NAV3: variants seen among roughly 807,000 people sequenced by gnomAD.
NAV3 encodes pore membrane and/or filament interacting like protein 1.
Under a neutral mutation model 244.7 loss-of-function variants are expected in NAV3, and 87 were observed. The observed-to-expected ratio is 0.36, with a 90% CI of 0.30 to 0.42. NAV3 has a LOEUF of 0.42. NAV3 is among the 20% of genes least tolerant of loss of function. The pLI, the probability that NAV3 is intolerant of heterozygous loss-of-function variation, is 1.00. For missense variants in NAV3, 2,663 were observed against 2,893.3 expected (o/e 0.92, Z 1.83); for synonymous variants, 1,126 against 1,042.2 (o/e 1.08, Z -1.55).
At chr12:78,008,057 T>G (rs1282293447) in intron 8 of NAV3, among the ~76,000 whole-genome samples, 1 of 152,234 alleles carries the variant, frequency 6.6e-6, no homozygotes, top group African/African-American at 2.4e-5. Flanking sequence ...ACATGTTTAC[T>G]GTATATCCTG....
At chr12:77,941,503 T>A (rs922858904) in intron 3 of NAV3, among the ~76,000 whole-genome samples, 1 of 152,218 alleles carries the variant, frequency 6.6e-6, no homozygotes, top group African/African-American at 2.4e-5. Context: ...AATATATAAA[T>A]AGTATTTTCT....
chr12:77,831,333 C>CT lies in NAV3; in HGVS notation c.-124dup. On this transcript the variant is annotated 5_prime_UTR_variant, in exon 1 of 40. Transcript: ENST00000397909. Reference sequence around the variant, plus strand: ...CTCTTCCTGAAAATTATATTATTAGCTTTTTAAAAATCAGGATGACTGCTA... The same window carrying CT: ...CTCTTCCTGAAAATTATATTATTAGCTTTTTTAAAAATCAGGATGACTGCTA... 1.0e-6 allele frequency: 1 copy of CT among 991,478 alleles called. No individual in the cohort carries two copies. The highest frequency in any genetic ancestry group is 1.4e-6 in the Non-Finnish European group (1 of 710,816). The allele number at this position is 991,478 out of a possible 1,614,324, so 61.4% of individuals were successfully genotyped here.
At chr12:78,036,292 T>G (rs532974988) in intron 9 of NAV3, 1 of 152,414 alleles carries the variant, frequency 6.6e-6, no homozygotes, top group South Asian at 2.1e-4. Context: ...GTAAGAGGCT[T>G]GTGCAGGGCT....
chr12:78,078,801 A>G (rs1214014961), intron 12 of NAV3, among the ~76,000 whole-genome samples: 3 of 152,100 alleles, frequency 2.0e-5, no homozygotes, highest in Non-Finnish European at 4.4e-5. Flanking sequence ...TGGAAAGATG[A>G]CTCTCTGAGA....
At chr12:78,063,999 AT>A (rs1323544653) in intron 12 of NAV3, among the ~76,000 whole-genome samples, 1 of 152,166 alleles carries the variant, frequency 6.6e-6, no homozygotes, top group East Asian at 1.9e-4. Flanking sequence ...TAATCATTGT[AT>A]TTTAAAAGGA....
chr12:78,183,284 C>T (rs575246755), intron 30 of NAV3, among the ~76,000 whole-genome samples: 13 of 151,874 alleles, frequency 8.6e-5, no homozygotes, highest in African/African-American at 1.2e-4. Flanking sequence ...TGGGGAGATT[C>T]GGAGTCATGA....
At chr12:78,119,099 T>C (rs779903244) in intron 14 of NAV3, 138 bp from the exon 15 acceptor site, 39 of 951,396 alleles carry the variant, frequency 4.1e-5, no homozygotes, top group Non-Finnish European at 5.8e-5. Flanking sequence ...TCTCAATATA[T>C]GAGATTTTTG....
chr12:77,785,729 G>T (rs960420505), intron 2 of NAV3, among the ~76,000 whole-genome samples: 9 of 152,162 alleles, frequency 5.9e-5, no homozygotes, highest in Non-Finnish European at 1.2e-4. Context: ...TCTCGGAGTG[G>T]TGGTAGGCGT....
chr12:78,017,831 C>G (rs1036144414), intron 8 of NAV3, among the ~76,000 whole-genome samples: 1 of 152,132 alleles, frequency 6.6e-6, no homozygotes, highest in African/African-American at 2.4e-5. Context: ...AGAGATTTAA[C>G]TCAACTTCTT....
At chr12:77,651,675 G>T (rs558827509) in intron 2 of NAV3, among the ~76,000 whole-genome samples, 2 of 152,238 alleles carry the variant, frequency 1.3e-5, no homozygotes, top group Non-Finnish European at 2.9e-5. Context: ...AGCCAAGCTG[G>T]TGGTTATTAT....
At chr12:77,709,634 T>G (rs1876008702) in intron 2 of NAV3, among the ~76,000 whole-genome samples, 2 of 152,198 alleles carry the variant, frequency 1.3e-5, no homozygotes, top group African/African-American at 4.8e-5. Flanking sequence ...GTTAAGTATA[T>G]TCCCATTTGA....
chr12:77,573,859 G>T (rs1868949816), intron 2 of NAV3, among the ~76,000 whole-genome samples: 1 of 152,112 alleles, frequency 6.6e-6, no homozygotes, highest in Non-Finnish European at 1.5e-5. Flanking sequence ...CCCTGGCTAA[G>T]GGAGATTTTC....
intron 6 of NAV3, among the ~76,000 whole-genome samples, chr12:77,996,390 G>T (rs1304668175): frequency 1.3e-5 from 2 of 152,112 alleles, no homozygotes; most frequent in Non-Finnish European, 2.9e-5. Context: ...TTAAATGCTG[G>T]AATCATTTGG....
chr12:78,033,983 T>A (rs1369121912), intron 9 of NAV3, among the ~76,000 whole-genome samples: 4 of 152,164 alleles, frequency 2.6e-5, no homozygotes, highest in Non-Finnish European at 5.9e-5. Flanking sequence ...GTTGTTAGAA[T>A]AAAGAATACC....
At chr12:78,061,815 T>G (rs1884368660) in intron 12 of NAV3, among the ~76,000 whole-genome samples, 1 of 149,884 alleles carries the variant, frequency 6.7e-6, no homozygotes, top group Non-Finnish European at 1.5e-5. Flanking sequence ...TCATGTTTAC[T>G]AAAAAAAAAA....
intron 1 of NAV3, among the ~76,000 whole-genome samples, chr12:77,899,469 T>A (rs773820439): frequency 2.0e-5 from 3 of 152,204 alleles, no homozygotes; most frequent in Non-Finnish European, 4.4e-5. Flanking sequence ...AAGATTACAA[T>A]TCCCTGAAGC....
At chr12:78,058,690 G>T (rs1013274751) in intron 11 of NAV3, among the ~76,000 whole-genome samples, 1 of 152,002 alleles carries the variant, frequency 6.6e-6, no homozygotes, top group African/African-American at 2.4e-5. Context: ...TATATTATCT[G>T]CAAGCCTATT....
intron 1 of NAV3, among the ~76,000 whole-genome samples, chr12:77,842,524 G>T (rs951085659): frequency 5.3e-5 from 8 of 151,190 alleles, no homozygotes; most frequent in Admixed American, 4.7e-4. Flanking sequence ...CAAATCGGGT[G>T]AAGTCAAGTA....
intron 39 of NAV3, among the ~76,000 whole-genome samples, chr12:78,205,825 C>G (rs950455255): frequency 6.6e-6 from 1 of 151,994 alleles, no homozygotes; most frequent in Non-Finnish European, 1.5e-5. Flanking sequence ...ACTCACCATT[C>G]TATGAGTATA....
Sources: allele counts gnomAD v4.1 joint callset (sites outside exome capture counted in the v4.1 genomes callset), GRCh38; gene constraint gnomAD v4.1.1; transcripts MANE v1.5; gene names NCBI Gene and HGNC (gene_info 2026-07-23, HGNC 2026-07-21).